AGK: variants seen among roughly 807,000 people sequenced by gnomAD.
AGK encodes acylglycerol kinase, mitochondrial.
AGK carries 52 observed loss-of-function variants against 66.4 expected under a neutral mutation model. The ratio of observed to expected loss-of-function variants is 0.78; its 90% CI spans 0.63 to 0.99. AGK has a LOEUF of 0.99. Among genes scored for constraint, AGK ranks in the 50% least tolerant of loss-of-function variants. The pLI, the probability that AGK is intolerant of heterozygous loss-of-function variation, is 0.00. For synonymous variants in AGK, 182 were observed against 181.1 expected (o/e 1.00, Z -0.04); for missense variants, 451 against 506.6 (o/e 0.89, Z 1.05).
intron 15 of AGK, 79 bp downstream of exon 15, chr7:141,651,688 CCT>C: frequency 7.5e-7 from 1 of 1,333,876 alleles, no homozygotes; most frequent in Non-Finnish European, 1.1e-6. Context: ...TCCCATCCTT[CCT>C]CTCTGTTAGC....
intron 2 of AGK, among the ~76,000 whole-genome samples, chr7:141,573,034 A>G (rs1276115504): frequency 6.6e-6 from 1 of 152,184 alleles, no homozygotes; most frequent in East Asian, 1.9e-4. Flanking sequence ...CCACAGCTGA[A>G]GGTAGGGAGG....
chr7:141,553,417 G>A (rs1470879779), intron 1 of AGK, among the ~76,000 whole-genome samples: 2 of 152,234 alleles, frequency 1.3e-5, no homozygotes, highest in East Asian at 3.9e-4. Context: ...TTCATTGACT[G>A]TGCACCACCC....
chr7:141,590,487 G>C (rs899959693), intron 2 of AGK, among the ~76,000 whole-genome samples: 1 of 152,146 alleles, frequency 6.6e-6, no homozygotes. Flanking sequence ...TGGAAGCTGC[G>C]TTCCCAGGGC....
intron 10 of AGK, among the ~76,000 whole-genome samples, chr7:141,634,547 C>G (rs1347687064): frequency 6.6e-6 from 1 of 152,132 alleles, no homozygotes; most frequent in Non-Finnish European, 1.5e-5. Flanking sequence ...TGAGAATTGA[C>G]TTATTTTTGG....
At chr7:141,651,906 C>T (rs551129263) in intron 15 of AGK, among the ~76,000 whole-genome samples, 6 of 152,270 alleles carry the variant, frequency 3.9e-5, no homozygotes, top group African/African-American at 9.6e-5. Context: ...GTAAATAATG[C>T]AGAAGGTTAC....
intron 13 of AGK, among the ~76,000 whole-genome samples, chr7:141,647,262 C>G (rs1393198992): frequency 6.6e-6 from 1 of 152,146 alleles, no homozygotes. Flanking sequence ...GAAATGAAGC[C>G]AGAACATATT....
rs767447352 is a variant in AGK at position 141,593,195 on chromosome 7, C to A, written c.141+10C>A. The A allele has an allele frequency of 1.2e-6, 2 of 1,611,362 alleles. No homozygotes were observed. The highest frequency in any genetic ancestry group is 1.3e-5 in the African/African-American group (1 of 74,884). On this transcript the variant is annotated intron_variant, in intron 3 of 15. Transcript: ENST00000649286. ...CTGTCAAGAAGCTCAGGTAATACTA[C>A]TTAATGTGATAAAATTAAGCCCCTC... is the stretch of plus-strand genomic sequence containing the variant.
intron 13 of AGK, among the ~76,000 whole-genome samples, chr7:141,648,825 C>T (rs1797478472): frequency 6.6e-6 from 1 of 152,132 alleles, no homozygotes; most frequent in African/African-American, 2.4e-5. Flanking sequence ...ATTAAAGAAG[C>T]ACAGGCACTT....
chr7:141,618,560 A>G lies in AGK; in HGVS notation c.518+2995A>G, dbSNP rs146069924. On this transcript the variant is annotated intron_variant, in intron 8 of 15. Transcript: ENST00000649286. The stretch of plus-strand genomic sequence containing the variant: ...TAGGTTGACTACAATTACTGAGTCT[A>G]GATTCTATAATTAAAACAAATATAA... Among the ~76,000 whole-genome samples the G allele has an allele frequency of 2.3e-3, 355 of 152,328 alleles. 4 individuals carry two copies. Among genetic ancestry groups the G allele is most frequent in the African/African-American group, 8.1e-3 (338 of 41,592 alleles).
At chr7:141,576,448 A>G (rs939092377) in intron 2 of AGK, among the ~76,000 whole-genome samples, 8 of 151,574 alleles carry the variant, frequency 5.3e-5, no homozygotes, top group African/African-American at 1.9e-4. Flanking sequence ...CAGGGTGAGT[A>G]GTTTGGCAGG....
intron 5 of AGK, among the ~76,000 whole-genome samples, chr7:141,605,365 A>G (rs974873657): frequency 1.3e-5 from 2 of 152,046 alleles, no homozygotes; most frequent in African/African-American, 2.4e-5. Flanking sequence ...TTATAGTGGG[A>G]TGTGGTTCTG....
chr7:141,573,973 A>T (rs1388121726), intron 2 of AGK, among the ~76,000 whole-genome samples: 1 of 152,094 alleles, frequency 6.6e-6, no homozygotes, highest in African/African-American at 2.4e-5. Flanking sequence ...AATAGATTTG[A>T]GTACCTTGTA....
At chr7:141,579,636 C>T (rs1587084596) in intron 2 of AGK, among the ~76,000 whole-genome samples, 1 of 151,910 alleles carries the variant, frequency 6.6e-6, no homozygotes, top group Non-Finnish European at 1.5e-5. Context: ...CCTGAACAAT[C>T]CCTGAGGAGT....
intron 4 of AGK, 24 bp downstream of exon 4, chr7:141,596,665 T>C (rs1291833240): frequency 6.9e-6 from 11 of 1,602,374 alleles, no homozygotes; most frequent in African/African-American, 2.7e-5. Flanking sequence ...TGACTTGTTA[T>C]ATACTTGCTT....
intron 5 of AGK, among the ~76,000 whole-genome samples, chr7:141,606,171 C>A (rs780525360): frequency 3.9e-5 from 6 of 152,208 alleles, no homozygotes; most frequent in Non-Finnish European, 8.8e-5. Flanking sequence ...AGACTTCAGG[C>A]TTGGTTCTAT....
intron 9 of AGK, among the ~76,000 whole-genome samples, chr7:141,622,821 C>T (rs1228217254): frequency 6.6e-6 from 1 of 151,924 alleles, no homozygotes; most frequent in Non-Finnish European, 1.5e-5. Flanking sequence ...TTTGGGAGGT[C>T]CAGGCAGGTG....
At chr7:141,630,654 A>G (rs1403890425) in intron 9 of AGK, among the ~76,000 whole-genome samples, 1 of 152,200 alleles carries the variant, frequency 6.6e-6, no homozygotes, top group Non-Finnish European at 1.5e-5. Flanking sequence ...GTATCTCAAT[A>G]TAAATCAGAA....
rs1796689824 is a variant in AGK, at chr7:141,615,760, G to A, written c.518+195G>A. The A allele has an allele frequency of 1.2e-5, 7 of 573,212 alleles. 1 individual carries two copies. The South Asian group carries it at 1.5e-4, about 12-fold the overall frequency. The allele number at this position is 573,212 out of a possible 1,614,324, so 35.5% of individuals were successfully genotyped here. On this transcript the variant is annotated intron_variant, in intron 8 of 15. Coordinates refer to ENST00000649286, the MANE Select transcript of AGK (RefSeq NM_018238.4). ...CTTGGTTGTGGGACTCTTATAATAA[G>A]TCTCCAGGTCAGGTAGGGAGGTGAA...
At chr7:141,594,972 C>T (rs903540057) in intron 3 of AGK, among the ~76,000 whole-genome samples, 3 of 152,176 alleles carry the variant, frequency 2.0e-5, no homozygotes, top group Admixed American at 6.5e-5. Flanking sequence ...TATTCTAATT[C>T]TCCACTTCCC....
Sources: gnomAD v4.1 joint callset for allele counts (sites outside exome capture counted in the v4.1 genomes callset) on GRCh38, gnomAD v4.1.1 for gene constraint, MANE v1.5 for transcripts, NCBI Gene and HGNC (gene_info 2026-07-23, HGNC 2026-07-21) for gene names.